Variants in DCC observed in about 807,000 individuals in gnomAD.
DCC encodes the protein netrin receptor DCC.
DCC carries 58 observed loss-of-function variants against 172.5 expected under a neutral mutation model. The observed-to-expected ratio is 0.34, with a 90% CI of 0.27 to 0.42. The LOEUF is 0.42. Ranked by LOEUF, DCC falls within the 10% of genes least tolerant of loss-of-function variation. DCC has a pLI of 1.00. For synonymous variants in DCC, 709 were observed against 644.5 expected (o/e 1.10, Z -1.52); for missense variants, 1,740 against 1,791.0 (o/e 0.97, Z 0.51).
At chr18:53,284,696 C>T (rs1598982731) in intron 12 of DCC, among the ~76,000 whole-genome samples, 1 of 152,120 alleles carries the variant, frequency 6.6e-6, no homozygotes, top group Non-Finnish European at 1.5e-5. Flanking sequence ...AACTTTGGAA[C>T]TGGGTAACAG....
At position 53,486,699 on chromosome 18, in the gene DCC, G is replaced by A. The variant is rs540442745; in HGVS notation, c.3737-98G>A. ...ACCTAGTTGATACTATGAAGAGTGTGTATAGATTTGAGGATCTGAAAATTC... is the reference window on the plus strand; with the variant it reads ...ACCTAGTTGATACTATGAAGAGTGTATATAGATTTGAGGATCTGAAAATTC... On this transcript the variant is annotated intron_variant, in intron 25 of 28. Coordinates refer to ENST00000442544, the MANE Select transcript of DCC (RefSeq NM_005215.4). The A allele has an allele frequency of 8.5e-4, 1,289 of 1,510,312 alleles. 3 individuals carry two copies. Among genetic ancestry groups the A allele is most frequent in the South Asian group, 1.3e-3 (112 of 88,136 alleles). 93.6% of individuals were successfully genotyped at this position (1,510,312 alleles called of 1,614,324 possible).
chr18:52,900,838 A>T (rs2039799022), intron 2 of DCC, among the ~76,000 whole-genome samples: 1 of 152,232 alleles, frequency 6.6e-6, no homozygotes. Flanking sequence ...TTTGAAATTC[A>T]TTCTGGGAAT....
At chr18:52,723,169 C>A (rs1231329609) in intron 1 of DCC, among the ~76,000 whole-genome samples, 1 of 152,156 alleles carries the variant, frequency 6.6e-6, no homozygotes, top group Non-Finnish European at 1.5e-5. Context: ...CTTTTGTCTG[C>A]AGTGATCTGA....
At chr18:52,929,920 A>T (rs66529681) in intron 5 of DCC, among the ~76,000 whole-genome samples, 9,832 of 150,488 alleles carry the variant, frequency 0.065, 421 homozygotes, top group East Asian at 0.23. Context: ...CCTCATTTTC[A>T]CTTCAGGATA....
At chr18:52,827,677 A>G (rs763739161) in intron 2 of DCC, among the ~76,000 whole-genome samples, 1 of 152,248 alleles carries the variant, frequency 6.6e-6, no homozygotes, top group African/African-American at 2.4e-5. Flanking sequence ...TAGCTCTTCT[A>G]CTACTATTTG....
At chr18:52,727,957 T>C (rs1213462768) in intron 1 of DCC, among the ~76,000 whole-genome samples, 3 of 152,164 alleles carry the variant, frequency 2.0e-5, no homozygotes, top group African/African-American at 7.2e-5. Context: ...GCATTTGCAA[T>C]GAATTAGCTG....
intron 12 of DCC, among the ~76,000 whole-genome samples, chr18:53,220,938 T>C (rs531023899): frequency 6.6e-6 from 1 of 152,190 alleles, no homozygotes; most frequent in East Asian, 1.9e-4. Flanking sequence ...GTCTTTCTGT[T>C]TGGAATTTGT....
intron 1 of DCC, among the ~76,000 whole-genome samples, chr18:52,607,988 T>G (rs769133252): frequency 1.3e-5 from 2 of 152,274 alleles, no homozygotes; most frequent in Middle Eastern, 6.8e-3. Flanking sequence ...TGATAGTGAC[T>G]TGCAACATGG....
At chr18:52,461,514 A>T (rs977849718) in intron 1 of DCC, among the ~76,000 whole-genome samples, 45 of 152,216 alleles carry the variant, frequency 3.0e-4, no homozygotes, top group African/African-American at 1.1e-3. Flanking sequence ...TGTATGTGCT[A>T]GATTTTATAT....
Position 53,483,994 on chromosome 18 carries a change from G to C in DCC, c.3737-2803G>C, listed in dbSNP as rs555401329. Among the ~76,000 whole-genome samples, 110 of 151,224 alleles carry C rather than the reference G, an allele frequency of 7.3e-4. No individual in the cohort carries two copies. In the East Asian group the frequency reaches 0.017, roughly 24 times the overall value. On this transcript the variant is annotated intron_variant, in intron 25 of 28. Transcript: ENST00000442544. Reference sequence around the variant, plus strand: ...AGATAGATAGATAGATAGATAGATAGATAGATAGATAGATAGATATAGTGT... The same window carrying C: ...AGATAGATAGATAGATAGATAGATACATAGATAGATAGATAGATATAGTGT...
At chr18:53,410,727 C>T (rs2145055203) in intron 20 of DCC, 81 bp downstream of exon 20, 2 of 864,864 alleles carry the variant, frequency 2.3e-6, no homozygotes, top group East Asian at 2.4e-5. Context: ...TAGAAATGGC[C>T]CTGCACCATC....
chr18:52,702,143 A>G (rs2036136336), intron 1 of DCC, among the ~76,000 whole-genome samples: 1 of 152,150 alleles, frequency 6.6e-6, no homozygotes, highest in African/African-American at 2.4e-5. Context: ...TCATACAAAT[A>G]TGAAATGTTT....
chr18:53,240,963 C>A (rs1453659096), intron 12 of DCC, among the ~76,000 whole-genome samples: 1 of 152,076 alleles, frequency 6.6e-6, no homozygotes, highest in Non-Finnish European at 1.5e-5. Flanking sequence ...CTAGCCTATG[C>A]TCTTGGTGCA....
At chr18:53,357,635 T>G (rs1375038533) in intron 15 of DCC, among the ~76,000 whole-genome samples, 1 of 152,216 alleles carries the variant, frequency 6.6e-6, no homozygotes, top group Non-Finnish European at 1.5e-5. Flanking sequence ...AGAAGAATTA[T>G]GTAGAATGAT....
intron 7 of DCC, among the ~76,000 whole-genome samples, chr18:53,141,342 G>A (rs925844414): frequency 6.6e-5 from 10 of 152,142 alleles, no homozygotes; most frequent in Admixed American, 2.0e-4. Flanking sequence ...GAGCCAATAC[G>A]TATGAAACAA....
chr18:53,317,473 A>G lies in DCC; in HGVS notation c.2054-4574A>G, dbSNP rs138637625. ...TGTTGTGTCTCTGTCAGGTGTTGGT[A>G]TCAGGATGATGCTGGCCTCATAAAA... is the stretch of plus-strand genomic sequence containing the variant. On this transcript the variant is annotated intron_variant, in intron 13 of 28. Coordinates refer to ENST00000442544, the MANE Select transcript of DCC (RefSeq NM_005215.4). Among the ~76,000 whole-genome samples the G allele has an allele frequency of 1.1e-3, 161 of 152,228 alleles. 1 individual carries two copies. The highest frequency in any genetic ancestry group is 3.4e-3 in the Middle Eastern group (1 of 294).
intron 12 of DCC, among the ~76,000 whole-genome samples, chr18:53,232,621 C>G (rs1475760338): frequency 2.0e-5 from 3 of 152,170 alleles, no homozygotes; most frequent in Admixed American, 2.0e-4. Context: ...TCTTCATGCA[C>G]TTATTCAACA....
At chr18:52,565,557 A>G (rs183113713) in intron 1 of DCC, among the ~76,000 whole-genome samples, 1 of 152,160 alleles carries the variant, frequency 6.6e-6, no homozygotes, top group Non-Finnish European at 1.5e-5. Context: ...ATGGTATCTC[A>G]TTGTGGTTTT....
intron 1 of DCC, among the ~76,000 whole-genome samples, chr18:52,435,658 G>C (rs1307124729): frequency 1.3e-5 from 2 of 152,146 alleles, no homozygotes; most frequent in African/African-American, 4.8e-5. Context: ...TGGGCCACCT[G>C]TTAGGCTGCC....
Sources: gnomAD v4.1 joint callset for allele counts (sites outside exome capture counted in the v4.1 genomes callset) on GRCh38, gnomAD v4.1.1 for gene constraint, MANE v1.5 for transcripts, NCBI Gene and HGNC (gene_info 2026-07-23, HGNC 2026-07-21) for gene names.